The following ERC1 variants were observed in gnomAD, a reference collection of about 807,000 sequenced individuals.
ERC1 encodes the protein ELKS/RAB6-interacting/CAST family member 1.
A neutral mutation model predicts 132.0 loss-of-function variants in ERC1; 56 were observed. The observed-to-expected ratio is 0.42, with a 90% CI of 0.34 to 0.53. The LOEUF (loss-of-function observed/expected upper bound fraction) is 0.53. Ranked by LOEUF, ERC1 falls within the 20% of genes least tolerant of loss-of-function variation. The pLI, the probability that ERC1 is intolerant of heterozygous loss-of-function variation, is 0.03. For missense variants in ERC1, 1,202 were observed against 1,349.9 expected, an observed-to-expected ratio of 0.89 and a Z score of 1.72; for synonymous variants, 478 against 476.1, an observed-to-expected ratio of 1.00 and a Z score of -0.05.
intron 15 of ERC1, among the ~76,000 whole-genome samples, chr12:1,327,034 G>A (rs1333955708): frequency 6.6e-6 from 1 of 151,778 alleles, no homozygotes; most frequent in African/African-American, 2.4e-5. Flanking sequence ...TAAATGCTGG[G>A]GATTTTAAAT....
intron 2 of ERC1, among the ~76,000 whole-genome samples, chr12:1,054,936 A>G (rs1213974934): frequency 6.6e-6 from 1 of 152,196 alleles, no homozygotes; most frequent in Non-Finnish European, 1.5e-5. Context: ...ATTCTGGCCC[A>G]CATTAGCTTC....
intron 15 of ERC1, among the ~76,000 whole-genome samples, chr12:1,329,164 C>T (rs1467483703): frequency 6.9e-6 from 1 of 145,834 alleles, no homozygotes; most frequent in African/African-American, 2.6e-5. Flanking sequence ...CGTGGTGGCA[C>T]ATGCCTGTAA....
chr12:1,393,772 A>G (rs2090194639), intron 16 of ERC1, among the ~76,000 whole-genome samples: 1 of 151,588 alleles, frequency 6.6e-6, no homozygotes, highest in African/African-American at 2.4e-5. Context: ...TCATGCCTGT[A>G]ATCCCAGCAC....
chr12:1,132,670 A>C (rs2154241274), intron 7 of ERC1, among the ~76,000 whole-genome samples: 2 of 151,826 alleles, frequency 1.3e-5, no homozygotes, highest in Middle Eastern at 6.8e-3. Context: ...AGAAGTGATG[A>C]GGGATGTGTT....
chr12:1,288,657 TTC>T (rs1440542437), intron 14 of ERC1, among the ~76,000 whole-genome samples: 1 of 152,208 alleles, frequency 6.6e-6, no homozygotes, highest in Non-Finnish European at 1.5e-5. Flanking sequence ...GACTCTAGGT[TTC>T]TCTGTTTTAG....
chr12:1,242,670 A>G (rs935968239), intron 13 of ERC1, among the ~76,000 whole-genome samples: 2 of 152,320 alleles, frequency 1.3e-5, no homozygotes, highest in Admixed American at 1.3e-4. Flanking sequence ...AAAAGCTTCT[A>G]TAAGAGCAAA....
chr12:1,290,671 A>G (rs1398081393), intron 15 of ERC1, among the ~76,000 whole-genome samples: 3 of 151,988 alleles, frequency 2.0e-5, no homozygotes, highest in Non-Finnish European at 4.4e-5. Flanking sequence ...ATCCAGTTGT[A>G]CCCTCTCATT....
chr12:1,352,605 AG>A lies in ERC1; in HGVS notation c.2781-19227del, dbSNP rs889200567. ...AGAAAACATCACATTGAGATCTGTC[AG>A]TAAACCCCCCACACACACAAATAAT... On this transcript the variant is annotated intron_variant, in intron 15 of 18. Transcript: ENST00000360905. 7.3e-5 allele frequency among the ~76,000 whole-genome samples: 11 copies of A among 150,144 alleles called. 2 individuals carry two copies. Among genetic ancestry groups the A allele is most frequent in the Admixed American group, 7.2e-4 (11 of 15,216 alleles).
intron 3 of ERC1, among the ~76,000 whole-genome samples, chr12:1,095,309 G>A (rs1390177227): frequency 1.3e-5 from 2 of 150,134 alleles, no homozygotes; most frequent in South Asian, 2.1e-4. Flanking sequence ...GCATGCCTGC[G>A]GTCCTAGCTA....
intron 12 of ERC1, among the ~76,000 whole-genome samples, chr12:1,218,057 G>A (rs1249630822): frequency 6.6e-6 from 1 of 152,170 alleles, no homozygotes; most frequent in East Asian, 1.9e-4. Context: ...CCTCAGAGGT[G>A]ACTGTATCAT....
At chr12:1,034,007 G>A (rs1968580180) in intron 2 of ERC1, among the ~76,000 whole-genome samples, 1 of 152,078 alleles carries the variant, frequency 6.6e-6, no homozygotes, top group Non-Finnish European at 1.5e-5. Flanking sequence ...TTAGTTTTGT[G>A]GTTAAGTATC....
At chr12:1,235,949 T>G (rs983046384) in intron 12 of ERC1, among the ~76,000 whole-genome samples, 3 of 152,168 alleles carry the variant, frequency 2.0e-5, no homozygotes, top group African/African-American at 7.2e-5. Flanking sequence ...TGCCATATAT[T>G]ATTTCATACC....
intron 1 of ERC1, among the ~76,000 whole-genome samples, chr12:1,026,485 A>G (rs1386196608): frequency 2.6e-5 from 4 of 152,206 alleles, no homozygotes; most frequent in African/African-American, 9.6e-5. Flanking sequence ...AGTTTTCGTT[A>G]TTATAGTTTT....
intron 18 of ERC1, among the ~76,000 whole-genome samples, chr12:1,461,415 C>G (rs2093642684): frequency 6.6e-6 from 1 of 152,172 alleles, no homozygotes; most frequent in African/African-American, 2.4e-5. Context: ...CACTTGTAAT[C>G]CCAGCACTTT....
chr12:1,411,908 A>C (rs2091874938), intron 17 of ERC1, among the ~76,000 whole-genome samples: 1 of 152,210 alleles, frequency 6.6e-6, no homozygotes, highest in African/African-American at 2.4e-5. Context: ...GAAAGTAAGC[A>C]AATCAGTATA....
At chr12:1,295,596 CAAA>C (rs1232150597) in intron 15 of ERC1, among the ~76,000 whole-genome samples, 1 of 151,922 alleles carries the variant, frequency 6.6e-6, no homozygotes, top group Non-Finnish European at 1.5e-5. Context: ...TGAGATAACA[CAAA>C]AGATAGGTTT....
intron 16 of ERC1, among the ~76,000 whole-genome samples, chr12:1,372,987 A>G (rs1230166526): frequency 1.3e-5 from 2 of 152,200 alleles, no homozygotes; most frequent in African/African-American, 4.8e-5. Flanking sequence ...ATATGTATTT[A>G]TGTTGCACAC....
At chr12:1,107,387 G>C (rs1945379016) in intron 4 of ERC1, among the ~76,000 whole-genome samples, 1 of 152,168 alleles carries the variant, frequency 6.6e-6, no homozygotes, top group Non-Finnish European at 1.5e-5. Context: ...CTGTACCCTG[G>C]ATCTGGAAAG....
intron 18 of ERC1, among the ~76,000 whole-genome samples, chr12:1,479,167 A>T (rs900108168): frequency 6.6e-6 from 1 of 151,872 alleles, no homozygotes; most frequent in African/African-American, 2.4e-5. Context: ...TGCCAGTGCT[A>T]TGTGTGTGCA....
Sources: gnomAD v4.1 joint callset for allele counts (sites outside exome capture counted in the v4.1 genomes callset) on GRCh38, gnomAD v4.1.1 for gene constraint, MANE v1.5 for transcripts, NCBI Gene and HGNC (gene_info 2026-07-23, HGNC 2026-07-21) for gene names.